PDILT: variants seen among roughly 807,000 people sequenced by gnomAD.
PDILT encodes the protein protein disulfide-isomerase-like protein of the testis.
PDILT carries 43 observed loss-of-function variants against 53.7 expected under a neutral mutation model. The ratio of observed to expected loss-of-function variants is 0.80; its 90% CI spans 0.63 to 1.03. PDILT has a LOEUF of 1.03. Among genes scored for constraint, PDILT ranks in the 50% least tolerant of loss-of-function variants. The pLI, the probability that PDILT is intolerant of heterozygous loss-of-function variation, is 0.00. For missense variants in PDILT, 727 were observed against 712.3 expected, an observed-to-expected ratio of 1.02 and a Z score of -0.24; for synonymous variants, 282 against 274.2, an observed-to-expected ratio of 1.03 and a Z score of -0.28.
intron 3 of PDILT, among the ~76,000 whole-genome samples, chr16:20,381,048 G>A (rs1567326552): frequency 6.6e-6 from 1 of 152,216 alleles, no homozygotes; most frequent in Non-Finnish European, 1.5e-5. Context: ...ACCAGCACTG[G>A]GCTGCATATT....
chr16:20,402,409 C>G (rs1302630785), intron 1 of PDILT, among the ~76,000 whole-genome samples: 1 of 152,112 alleles, frequency 6.6e-6, no homozygotes, highest in Non-Finnish European at 1.5e-5. Flanking sequence ...AAGGATTCTC[C>G]TGCCTCAGCC....
At chr16:20,363,819 T>C (rs1966148894) in intron 9 of PDILT, among the ~76,000 whole-genome samples, 1 of 152,168 alleles carries the variant, frequency 6.6e-6, no homozygotes, top group African/African-American at 2.4e-5. Flanking sequence ...CACTGAACTT[T>C]CTTGTGGACA....
intron 8 of PDILT, 73 bp downstream of exon 8, chr16:20,369,419 T>A: frequency 6.6e-7 from 1 of 1,510,228 alleles, no homozygotes; most frequent in Admixed American, 1.7e-5. Flanking sequence ...AGGAGAATTA[T>A]CAAGGCCAAC....
At chr16:20,402,755 C>A (rs1209118763) in intron 1 of PDILT, among the ~76,000 whole-genome samples, 1 of 152,202 alleles carries the variant, frequency 6.6e-6, no homozygotes, top group Non-Finnish European at 1.5e-5. Context: ...CAATCTCTCC[C>A]ACAATACCTG....
intron 9 of PDILT, among the ~76,000 whole-genome samples, chr16:20,364,443 C>T (rs1384240550): frequency 6.6e-6 from 1 of 152,126 alleles, no homozygotes; most frequent in Non-Finnish European, 1.5e-5. Flanking sequence ...TACTGTGTGA[C>T]CTAGGGTAAG....
In PDILT at chr16:20,374,864, C is replaced by T. The variant is rs1966360593; in HGVS notation, c.639G>A (p.Gly213=). Residue 213 remains glycine (G), a synonymous_variant, in exon 5 of 12, where the codon GGG becomes GGA. Coordinates refer to ENST00000302451, the MANE Select transcript of PDILT (RefSeq NM_174924.2). ...CGCTGTCAAGGGTGACGTGGAAACG[C>T]CCAATGACATTGCCAATCGTTATGA... is the stretch of plus-strand genomic sequence containing the variant. ...FGVITIGNVI[G]RFHVTLDSVL... is the part of the protein sequence containing the mutation. 1.2e-6 allele frequency: 2 copies of T among 1,613,976 alleles called. No homozygotes were observed. Among genetic ancestry groups the T allele is most frequent in the South Asian group, 1.1e-5 (1 of 91,062 alleles).
At chr16:20,368,791 T>C (rs1966257246) in intron 8 of PDILT, among the ~76,000 whole-genome samples, 1 of 152,120 alleles carries the variant, frequency 6.6e-6, no homozygotes, top group African/African-American at 2.4e-5. Context: ...AGATGTGATC[T>C]TGGTATGGCC....
rs1567333519 is a variant in PDILT at position 20,400,058 on chromosome 16, A to ATCTATC, written c.-7-752_-7-751insGATAGA. On this transcript the variant is annotated intron_variant, in intron 1 of 11. Coordinates refer to ENST00000302451, the MANE Select transcript of PDILT (RefSeq NM_174924.2). ...TCTATCTATCTATCTATCTATCTAT[A>ATCTATC]TATATATATATATATTTTTTGAGAC... Among the ~76,000 whole-genome samples the ATCTATC allele has an allele frequency of 3.1e-4, 30 of 96,036 alleles. 1 individual carries two copies. The highest frequency in any genetic ancestry group is 4.9e-4 in the Non-Finnish European group (23 of 47,414). The allele number at this position is 96,036 out of a possible 152,430, so 63.0% of individuals were successfully genotyped here.
intron 3 of PDILT, among the ~76,000 whole-genome samples, chr16:20,381,199 C>A (rs1477323610): frequency 2.0e-5 from 3 of 152,212 alleles, no homozygotes; most frequent in Non-Finnish European, 2.9e-5. Context: ...GGGCTTTGAC[C>A]CTGCAAGGAC....
At chr16:20,367,375 C>T (rs891700756) in intron 8 of PDILT, among the ~76,000 whole-genome samples, 3 of 152,136 alleles carry the variant, frequency 2.0e-5, no homozygotes, top group Admixed American at 2.0e-4. Flanking sequence ...CCTCACCACA[C>T]CCGCTCTAGC....
intron 2 of PDILT, among the ~76,000 whole-genome samples, chr16:20,387,690 G>A (rs1966557974): frequency 6.6e-6 from 1 of 151,296 alleles, no homozygotes; most frequent in Non-Finnish European, 1.5e-5. Flanking sequence ...GCACCATCTT[G>A]GCTTACTGCA....
At chr16:20,385,977 A>G (rs538841571) in intron 2 of PDILT, 19 of 151,962 alleles carry the variant, frequency 1.3e-4, no homozygotes, top group Non-Finnish European at 2.4e-4. Context: ...GAGCCCCTGC[A>G]GTTGCCCTGC....
At chr16:20,391,671 T>C (rs542499732) in intron 2 of PDILT, among the ~76,000 whole-genome samples, 43 of 151,988 alleles carry the variant, frequency 2.8e-4, no homozygotes, top group Non-Finnish European at 5.7e-4. Flanking sequence ...ATGCTGAATG[T>C]TAGGAATCAG....
At chr16:20,371,192 C>T (rs996839604) in intron 7 of PDILT, among the ~76,000 whole-genome samples, 2 of 152,048 alleles carry the variant, frequency 1.3e-5, no homozygotes, top group African/African-American at 4.8e-5. Flanking sequence ...CAGAGACTGT[C>T]GAAGATGAGG....
intron 2 of PDILT, among the ~76,000 whole-genome samples, chr16:20,394,391 C>G (rs139052220): frequency 6.6e-6 from 1 of 152,238 alleles, no homozygotes; most frequent in East Asian, 1.9e-4. Context: ...AAAGCAGGTG[C>G]AATGTGACTA....
intron 1 of PDILT, among the ~76,000 whole-genome samples, chr16:20,403,427 C>T (rs6497482): frequency 0.64 from 97,815 of 151,938 alleles, 31,890 homozygotes; most frequent in East Asian, 0.9. Context: ...GCAGCTGGGA[C>T]TACAGGCACC....
At chr16:20,370,499 T>C (rs1233835914) in intron 7 of PDILT, among the ~76,000 whole-genome samples, 1 of 152,038 alleles carries the variant, frequency 6.6e-6, no homozygotes, top group East Asian at 1.9e-4. Flanking sequence ...CTATTCCGGG[T>C]GGTGGAAACT....
chr16:20,366,901 C>A (rs1163640650), intron 8 of PDILT, among the ~76,000 whole-genome samples: 1 of 152,214 alleles, frequency 6.6e-6, no homozygotes, highest in East Asian at 1.9e-4. Context: ...CCATGCAAAT[C>A]TGGCTTCTCT....
At position 20,359,272 on chromosome 16, in the gene PDILT, T is replaced by C. The variant is rs1412225840; in HGVS notation, c.*47A>G. 1.2e-6 allele frequency: 2 copies of C among 1,601,748 alleles called. No homozygotes were observed. Among genetic ancestry groups the C allele is most frequent in the East Asian group, 2.2e-5 (1 of 44,818 alleles). ...TGGAATCAATCCATTCAGAAAATGA[T>C]GCCAGGATCTGGAAAATAAGCATCT... is the stretch of plus-strand genomic sequence containing the variant. On this transcript the variant is annotated 3_prime_UTR_variant, in exon 12 of 12. Transcript: ENST00000302451.
Sources: allele counts gnomAD v4.1 joint callset (sites outside exome capture counted in the v4.1 genomes callset), GRCh38; gene constraint gnomAD v4.1.1; transcripts MANE v1.5; gene names NCBI Gene and HGNC (gene_info 2026-07-23, HGNC 2026-07-21).